Variants in LINGO2 observed in about 807,000 individuals in gnomAD.
LINGO2 encodes the protein leucine rich repeat and Ig domain containing 2.
In LINGO2, 14 loss-of-function variants were observed where a neutral mutation model predicts 30.6. That is an observed-to-expected ratio of 0.46 (90% confidence interval 0.30 to 0.72). The LOEUF (loss-of-function observed/expected upper bound fraction) is 0.72, where lower values mean the gene tolerates loss of function less well. Ranked by LOEUF, LINGO2 falls within the 30% of genes least tolerant of loss-of-function variation. The pLI is 0.07. For synonymous variants in LINGO2, 317 were observed against 288.5 expected (o/e 1.10, Z -1.00); for missense variants, 729 against 751.7 (o/e 0.97, Z 0.35).
chr9:29,172,346 G>T, the LINGO2 span, among the ~76,000 whole-genome samples: 1 of 151,650 alleles, frequency 6.6e-6, no homozygotes, highest in African/African-American at 2.4e-5. Context: ...TTATCAAGAT[G>T]ACTCTCCTCA....
the LINGO2 span, among the ~76,000 whole-genome samples, chr9:28,734,894 G>T: frequency 6.6e-6 from 1 of 152,150 alleles, no homozygotes; most frequent in African/African-American, 2.4e-5. Context: ...GAATGACACA[G>T]TATATGCTTC....
At chr9:29,132,097 T>C in the LINGO2 span, among the ~76,000 whole-genome samples, 1 of 151,114 alleles carries the variant, frequency 6.6e-6, no homozygotes, top group Non-Finnish European at 1.5e-5. Flanking sequence ...ATGATGAGAG[T>C]CCCTTGATCC....
chr9:29,083,855 T>A, the LINGO2 span, among the ~76,000 whole-genome samples: 4 of 152,194 alleles, frequency 2.6e-5, no homozygotes, highest in African/African-American at 4.8e-5. Flanking sequence ...CCTTCCAGGA[T>A]GGCAATAAAA....
chr9:28,865,175 GTATAC>G, the LINGO2 span, among the ~76,000 whole-genome samples: 1 of 152,068 alleles, frequency 6.6e-6, no homozygotes, highest in Non-Finnish European at 1.5e-5. Context: ...TTATTTTTTG[GTATAC>G]TATAGCTGAA....
At chr9:29,199,217 A>G in the LINGO2 span, among the ~76,000 whole-genome samples, 84 of 152,220 alleles carry the variant, frequency 5.5e-4, no homozygotes, top group Non-Finnish European at 8.8e-4. Context: ...TCAGCCTATC[A>G]CTGACATTTT....
At position 27,993,133 on chromosome 9, in the gene LINGO2, G is replaced by C. The variant is rs572038454; in HGVS notation, c.-36+19222C>G. Among the ~76,000 whole-genome samples the C allele has an allele frequency of 2.6e-5, 4 of 152,164 alleles. No homozygotes were observed. The South Asian group carries it at 8.3e-4, about 32-fold the overall frequency. On this transcript the variant is annotated intron_variant, in intron 5 of 5. Coordinates refer to ENST00000379992, the Ensembl canonical transcript of LINGO2. ...GATGCTAACATTTATCTAATTTTCTGGAGTTTGGTAAGGCTAGCATTCAAA... is the reference window on the plus strand; with the variant it reads ...GATGCTAACATTTATCTAATTTTCTCGAGTTTGGTAAGGCTAGCATTCAAA...
chr9:28,884,734 G>T, the LINGO2 span, among the ~76,000 whole-genome samples: 1 of 137,844 alleles, frequency 7.3e-6, no homozygotes, highest in African/African-American at 2.7e-5. Flanking sequence ...ATATAAATTT[G>T]TAAAACTATA....
chr9:28,025,045 T>C (rs995630554), intron 4 of LINGO2, among the ~76,000 whole-genome samples: 4 of 152,204 alleles, frequency 2.6e-5, no homozygotes, highest in Non-Finnish European at 5.9e-5. Flanking sequence ...ATGTGAGGAT[T>C]TCTTTCACTC....
chr9:29,081,237 TGG>T, the LINGO2 span, among the ~76,000 whole-genome samples: 1 of 152,088 alleles, frequency 6.6e-6, no homozygotes, highest in South Asian at 2.1e-4. Context: ...CATGATCAAG[TGG>T]GCTTCATCCA....
chr9:28,015,924 G>A (rs1482953089), intron 4 of LINGO2, among the ~76,000 whole-genome samples: 1 of 139,312 alleles, frequency 7.2e-6, no homozygotes, highest in African/African-American at 3.0e-5. Flanking sequence ...TTTACAAGAG[G>A]AGACCAAATA....
At chr9:28,320,836 C>T (rs998797222) in intron 3 of LINGO2, among the ~76,000 whole-genome samples, 13 of 152,122 alleles carry the variant, frequency 8.5e-5, no homozygotes, top group African/African-American at 2.2e-4. Context: ...TCCTTCTTGA[C>T]GTTAAGAAGC....
chr9:28,900,616 A>G, the LINGO2 span, among the ~76,000 whole-genome samples: 1 of 152,230 alleles, frequency 6.6e-6, no homozygotes, highest in African/African-American at 2.4e-5. Flanking sequence ...TCCAGCAGCA[A>G]GTCCATCTAT....
chr9:29,133,149 T>A, the LINGO2 span, among the ~76,000 whole-genome samples: 312 of 152,288 alleles, frequency 2.0e-3, no homozygotes, highest in African/African-American at 7.3e-3. Flanking sequence ...AAAACACTGA[T>A]AAGTACTCAA....
At chr9:27,961,780 T>C (rs1819861118) in intron 5 of LINGO2, among the ~76,000 whole-genome samples, 1 of 152,152 alleles carries the variant, frequency 6.6e-6, no homozygotes, top group Non-Finnish European at 1.5e-5. Context: ...CTCAGGGTCA[T>C]GGGTGTAGGC....
At chr9:27,984,272 T>C (rs1203842025) in intron 5 of LINGO2, among the ~76,000 whole-genome samples, 1 of 151,838 alleles carries the variant, frequency 6.6e-6, no homozygotes, top group East Asian at 1.9e-4. Context: ...ACAACAACCA[T>C]TGGCTTCATC....
chr9:29,202,539 A>G, the LINGO2 span, among the ~76,000 whole-genome samples: 1 of 152,036 alleles, frequency 6.6e-6, no homozygotes, highest in African/African-American at 2.4e-5. Context: ...CTAATTCCAC[A>G]AGGAGAGCTA....
At chr9:29,121,559 C>A in the LINGO2 span, among the ~76,000 whole-genome samples, 1 of 151,730 alleles carries the variant, frequency 6.6e-6, no homozygotes, top group Non-Finnish European at 1.5e-5. Flanking sequence ...AACAGAAAAC[C>A]CAAAACACAA....
the LINGO2 span, among the ~76,000 whole-genome samples, chr9:29,091,981 CTAGTTAGTCACG>C: frequency 1.3e-5 from 2 of 151,848 alleles, no homozygotes; most frequent in African/African-American, 4.8e-5. Context: ...AATAGATATC[CTAGTTAGTCACG>C]TGGTAGTCCA....
At chr9:28,248,043 G>C (rs1260328493) in intron 4 of LINGO2, among the ~76,000 whole-genome samples, 1 of 152,198 alleles carries the variant, frequency 6.6e-6, no homozygotes, top group Non-Finnish European at 1.5e-5. Flanking sequence ...ATGGTGAACA[G>C]TTTGAGGTTT....
Sources: gnomAD v4.1 joint callset for allele counts (sites outside exome capture counted in the v4.1 genomes callset) on GRCh38, gnomAD v4.1.1 for gene constraint, MANE v1.5 for transcripts, NCBI Gene and HGNC (gene_info 2026-07-23, HGNC 2026-07-21) for gene names.